Variants in FAM81A observed in about 807,000 individuals in gnomAD.
FAM81A encodes the protein family with sequence similarity 81 member A.
In FAM81A, 19 loss-of-function variants were observed where a neutral mutation model predicts 46.7. The ratio of observed to expected loss-of-function variants is 0.41; its 90% CI spans 0.28 to 0.60. The LOEUF (loss-of-function observed/expected upper bound fraction) is 0.60, where lower values mean the gene tolerates loss of function less well. Among genes scored for constraint, FAM81A ranks in the 20% least tolerant of loss-of-function variants. The pLI, the probability that FAM81A is intolerant of heterozygous loss-of-function variation, is 0.34. For missense variants in FAM81A, 377 were observed against 453.5 expected (o/e 0.83, Z 1.53); for synonymous variants, 183 against 152.9 (o/e 1.20, Z -1.45).
At chr15:59,401,491 G>T in intron 1 of FAM81A, 1 of 756,322 alleles carries the variant, frequency 1.3e-6, no homozygotes, top group Non-Finnish European at 2.4e-6. Context: ...TTGGCCTGAT[G>T]AATCTTTCAT....
intron 4 of FAM81A, among the ~76,000 whole-genome samples, chr15:59,499,953 A>G (rs1488827529): frequency 6.6e-6 from 1 of 151,878 alleles, no homozygotes; most frequent in East Asian, 1.9e-4. Flanking sequence ...CCCAGGTTCA[A>G]GCGAGTCTCA....
At chr15:59,419,640 G>A (rs985524215) in intron 2 of FAM81A, among the ~76,000 whole-genome samples, 1 of 152,148 alleles carries the variant, frequency 6.6e-6, no homozygotes, top group Non-Finnish European at 1.5e-5. Flanking sequence ...TTGGGAGGCC[G>A]AGGCGGGCAG....
chr15:59,502,865 C>G (rs1242710244), intron 4 of FAM81A, among the ~76,000 whole-genome samples: 2 of 152,082 alleles, frequency 1.3e-5, no homozygotes, highest in African/African-American at 4.8e-5. Context: ...GTGCTCTTCT[C>G]TGTGTCCCCT....
intron 3 of FAM81A, among the ~76,000 whole-genome samples, chr15:59,461,015 C>T (rs184003695): frequency 4.6e-5 from 7 of 151,872 alleles, no homozygotes; most frequent in African/African-American, 9.7e-5. Context: ...TTATTTTAAC[C>T]GCTTTATTGA....
At chr15:59,463,793 T>A (rs529654398) in intron 3 of FAM81A, among the ~76,000 whole-genome samples, 1 of 152,282 alleles carries the variant, frequency 6.6e-6, no homozygotes, top group Admixed American at 6.5e-5. Flanking sequence ...AACTTTTGGT[T>A]TTATTAATTT....
intron 3 of FAM81A, among the ~76,000 whole-genome samples, chr15:59,469,839 T>A (rs1239390373): frequency 2.6e-5 from 4 of 152,232 alleles, no homozygotes; most frequent in South Asian, 4.1e-4. Context: ...GGCATGTTTT[T>A]GCAGTGGCTG....
chr15:59,476,428 A>C (rs2081769147), intron 3 of FAM81A, among the ~76,000 whole-genome samples: 1 of 152,158 alleles, frequency 6.6e-6, no homozygotes, highest in Admixed American at 6.6e-5. Context: ...TCAGTCCGTA[A>C]CAATGATGTA....
At chr15:59,504,725 T>C (rs1289054165) in intron 4 of FAM81A, among the ~76,000 whole-genome samples, 5 of 152,210 alleles carry the variant, frequency 3.3e-5, no homozygotes, top group Non-Finnish European at 7.4e-5. Flanking sequence ...ATTTTGTACT[T>C]ATTCTTGGAT....
intron 4 of FAM81A, among the ~76,000 whole-genome samples, chr15:59,500,334 T>C (rs1380590079): frequency 2.0e-5 from 3 of 152,174 alleles, no homozygotes; most frequent in African/African-American, 4.8e-5. Context: ...AGTCTTACTC[T>C]TCACCCAGGC....
intron 4 of FAM81A, 72 bp downstream of exon 4, chr15:59,492,461 A>G: frequency 1.7e-6 from 2 of 1,185,924 alleles, no homozygotes; most frequent in South Asian, 1.3e-5. Flanking sequence ...AGTGGGGAAT[A>G]TATTAATGAA....
At chr15:59,492,074 C>G (rs1484267704) in intron 3 of FAM81A, among the ~76,000 whole-genome samples, 197 bp from the exon 4 acceptor site, 3 of 152,206 alleles carry the variant, frequency 2.0e-5, no homozygotes, top group Non-Finnish European at 4.4e-5. Context: ...GGGACTTGCT[C>G]TGGGAGGAGC....
rs2082081119 is a variant in FAM81A at position 59,500,596 on chromosome 15, C to T, written c.414-6617C>T. Among the ~76,000 whole-genome samples, 2 of 152,142 alleles carry T rather than the reference C, an allele frequency of 1.3e-5. 1 individual carries two copies. Among genetic ancestry groups the T allele is most frequent in the South Asian group, 4.1e-4 (2 of 4,824 alleles). ...GGATTACAGGTGTAAGCCACCATGCCTGGCATCTTCTCTCCTATTATTCTC... is the reference window on the plus strand; with the variant it reads ...GGATTACAGGTGTAAGCCACCATGCTTGGCATCTTCTCTCCTATTATTCTC... On this transcript the variant is annotated intron_variant, in intron 4 of 8. Coordinates refer to ENST00000288228, the MANE Select transcript of FAM81A (RefSeq NM_152450.3).
At chr15:59,456,984 C>G (rs1427507333) in intron 1 of FAM81A, among the ~76,000 whole-genome samples, 1 of 152,146 alleles carries the variant, frequency 6.6e-6, no homozygotes, top group Non-Finnish European at 1.5e-5. Flanking sequence ...ATACATGTTT[C>G]TTAAGTTAGG....
intron 7 of FAM81A, among the ~76,000 whole-genome samples, chr15:59,515,343 C>G (rs530562919): frequency 6.6e-6 from 1 of 152,330 alleles, no homozygotes; most frequent in Non-Finnish European, 1.5e-5. Context: ...CATTGTTTAG[C>G]ATGACATCTC....
intron 2 of FAM81A, among the ~76,000 whole-genome samples, chr15:59,416,095 A>G (rs1045662408): frequency 1.3e-5 from 2 of 152,234 alleles, no homozygotes; most frequent in Non-Finnish European, 2.9e-5. Context: ...GAATCCCCAT[A>G]TCTCCTGGAC....
rs772086916 is a variant in FAM81A at position 59,460,704 on chromosome 15, A to G, written c.294+498A>G. 10 of 202,646 alleles carry G rather than the reference A, an allele frequency of 4.9e-5. No homozygotes were observed. Among genetic ancestry groups the G allele is most frequent in the Admixed American group, 1.6e-4 (3 of 18,618 alleles). 12.6% of individuals were successfully genotyped at this position (202,646 alleles called of 1,614,324 possible). ...CTGCTGTAGTTTTCTTTGAAATGAG[A>G]CCAATAAAAGGCCAATATTGTCTAT... is the stretch of plus-strand genomic sequence containing the variant. On this transcript the variant is annotated intron_variant, in intron 3 of 8. Transcript: ENST00000288228. This position sits in a 1 kb window ranked among gnomAD's most constrained non-coding sequence, Gnocchi z 4.4.
At chr15:59,431,171 A>G (rs1330652186) in intron 2 of FAM81A, among the ~76,000 whole-genome samples, 1 of 152,110 alleles carries the variant, frequency 6.6e-6, no homozygotes, top group African/African-American at 2.4e-5. Flanking sequence ...CCTGCTGGAC[A>G]TCACTCTTTC....
At chr15:59,482,986 A>T (rs1192402868) in intron 3 of FAM81A, among the ~76,000 whole-genome samples, 1 of 152,184 alleles carries the variant, frequency 6.6e-6, no homozygotes, top group African/African-American at 2.4e-5. Flanking sequence ...ATTGAGAAAA[A>T]GCTGGAAGCT....
intron 2 of FAM81A, among the ~76,000 whole-genome samples, chr15:59,409,489 A>G (rs1006557064): frequency 6.6e-6 from 1 of 152,118 alleles, no homozygotes; most frequent in Non-Finnish European, 1.5e-5. Context: ...GGCAGGAACA[A>G]AGTCTTTTCA....
Sources: gnomAD v4.1 joint callset for allele counts (sites outside exome capture counted in the v4.1 genomes callset) on GRCh38, gnomAD v4.1.1 for gene constraint, Gnocchi (gnomAD v3.1) non-coding constraint, MANE v1.5 for transcripts, NCBI Gene and HGNC (gene_info 2026-07-23, HGNC 2026-07-21) for gene names.